ATXN7L1: variants seen among roughly 807,000 people sequenced by gnomAD.
The protein encoded by ATXN7L1 is ataxin-7-like protein 1.
Under a neutral mutation model 70.8 loss-of-function variants are expected in ATXN7L1, and 15 were observed. That is an observed-to-expected ratio of 0.21 (90% CI 0.14 to 0.33). The LOEUF (loss-of-function observed/expected upper bound fraction) is 0.33, where lower values mean the gene tolerates loss of function less well. Among genes scored for constraint, ATXN7L1 ranks in the 10% least tolerant of loss-of-function variants. The pLI, the probability that ATXN7L1 is intolerant of heterozygous loss-of-function variation, is 1.00. For missense variants in ATXN7L1, 975 were observed against 1,097.1 expected (o/e 0.89, Z 1.57); for synonymous variants, 440 against 445.1 (o/e 0.99, Z 0.14).
chr7:105,759,449 AGT>A (rs34887279), intron 3 of ATXN7L1, among the ~76,000 whole-genome samples: 2,622 of 60,368 alleles, frequency 0.043, 29 homozygotes, highest in Non-Finnish European at 0.056. Context: ...TTGGATAGTG[AGT>A]GTGTGTGTGT....
intron 2 of ATXN7L1, among the ~76,000 whole-genome samples, chr7:105,830,003 T>C (rs1811381470): frequency 6.6e-6 from 1 of 152,220 alleles, no homozygotes; most frequent in Non-Finnish European, 1.5e-5. Flanking sequence ...AGCCTCCTTG[T>C]CACTGGGGAC....
At chr7:105,654,804 A>G (rs966387157) in intron 4 of ATXN7L1, among the ~76,000 whole-genome samples, 1 of 151,450 alleles carries the variant, frequency 6.6e-6, no homozygotes, top group Non-Finnish European at 1.5e-5. Context: ...GCAGTGGCAC[A>G]ATCTCAGCTC....
chr7:105,726,452 G>A (rs369294148), intron 3 of ATXN7L1, among the ~76,000 whole-genome samples: 3 of 152,200 alleles, frequency 2.0e-5, no homozygotes, highest in South Asian at 2.1e-4. Flanking sequence ...GCTGAGCAGA[G>A]AGTCTGAGGT....
At chr7:105,754,144 C>T (rs1799520092) in intron 3 of ATXN7L1, among the ~76,000 whole-genome samples, 1 of 152,186 alleles carries the variant, frequency 6.6e-6, no homozygotes, top group Non-Finnish European at 1.5e-5. Context: ...GCTCTGACGT[C>T]TCAAGAACTC....
intron 3 of ATXN7L1, among the ~76,000 whole-genome samples, chr7:105,765,562 C>A (rs1801142455): frequency 6.6e-6 from 1 of 152,140 alleles, no homozygotes; most frequent in Non-Finnish European, 1.5e-5. Flanking sequence ...TGTCTCTCAT[C>A]CCCCTTGGGT....
intron 2 of ATXN7L1, among the ~76,000 whole-genome samples, chr7:105,833,461 C>A (rs1271576577): frequency 1.3e-5 from 2 of 152,188 alleles, no homozygotes; most frequent in African/African-American, 4.8e-5. Context: ...TGTACTCACA[C>A]CATTTAGAAC....
chr7:105,660,863 G>A (rs1020177779), intron 4 of ATXN7L1, among the ~76,000 whole-genome samples: 1 of 152,144 alleles, frequency 6.6e-6, no homozygotes, highest in African/African-American at 2.4e-5. Context: ...TTACAGGTGT[G>A]AGCCACCATG....
intron 2 of ATXN7L1, among the ~76,000 whole-genome samples, chr7:105,867,601 T>TTTA (rs547153576): frequency 4.9e-4 from 74 of 152,228 alleles, no homozygotes; most frequent in Non-Finnish European, 8.5e-4. Flanking sequence ...CTTCTCTCTC[T>TTTA]TTAGATCCTC....
intron 3 of ATXN7L1, among the ~76,000 whole-genome samples, chr7:105,753,945 G>C (rs1311159041): frequency 6.6e-6 from 1 of 152,000 alleles, no homozygotes; most frequent in South Asian, 2.1e-4. Flanking sequence ...AGGATCCAAA[G>C]TTCTGAGATC....
At chr7:105,639,160 CGCCGCTGCCGCT>C (rs965378321) in intron 6 of ATXN7L1, among the ~76,000 whole-genome samples, 3 of 152,168 alleles carry the variant, frequency 2.0e-5, no homozygotes, top group Non-Finnish European at 4.4e-5. Flanking sequence ...CCGCCGCCGC[CGCCGCTGCCGCT>C]GCTCCTGCAT....
intron 3 of ATXN7L1, among the ~76,000 whole-genome samples, chr7:105,702,144 G>C (rs970400903): frequency 1.3e-5 from 2 of 152,182 alleles, no homozygotes; most frequent in African/African-American, 2.4e-5. Flanking sequence ...ACTCTTGCTA[G>C]TGCTTTTCTC....
intron 2 of ATXN7L1, among the ~76,000 whole-genome samples, chr7:105,836,120 G>A (rs1435114192): frequency 2.6e-5 from 4 of 152,174 alleles, no homozygotes; most frequent in African/African-American, 9.7e-5. Flanking sequence ...AAGAGAGGCA[G>A]TGCCCCAAAC....
rs1385457358 is a variant in ATXN7L1, at chr7:105,643,035, G to T, written c.665C>A (p.Thr222Asn). 6.4e-7 allele frequency: 1 copy of T among 1,551,584 alleles called. No homozygotes were observed. Among genetic ancestry groups the T allele is most frequent in the Admixed American group, 2.0e-5 (1 of 51,006 alleles). ...GANVKMNSTT[T>N]TAVSASSTSS... ...GGTGGAGGAGGCAGAAACTGCAGTA[G>T]TGGTTGTGGAGTTCATTTTGACATT... The change falls in exon 5 of 12, where the codon ACT becomes AAT. Residue 222 changes from threonine (T) to asparagine (N), a missense_variant. Thr to Asn is a moderately conservative substitution (Grantham distance 65, BLOSUM62 0). This residue lies in a region of ATXN7L1 where 192 missense variants were observed against 215.5 expected (regional missense o/e 0.89). Coordinates refer to ENST00000419735, the MANE Select transcript of ATXN7L1 (RefSeq NM_020725.2).
intron 5 of ATXN7L1, among the ~76,000 whole-genome samples, chr7:105,642,266 A>C (rs970800241): frequency 6.6e-6 from 1 of 152,184 alleles, no homozygotes; most frequent in Non-Finnish European, 1.5e-5. Flanking sequence ...CCCTATCGGC[A>C]CTGCCAGCCC....
At chr7:105,808,802 C>T (rs1807993201) in intron 2 of ATXN7L1, among the ~76,000 whole-genome samples, 1 of 152,156 alleles carries the variant, frequency 6.6e-6, no homozygotes, top group Non-Finnish European at 1.5e-5. Context: ...TGGCACCACC[C>T]ACCATTTTGA....
At chr7:105,712,501 A>C (rs777810200) in intron 3 of ATXN7L1, among the ~76,000 whole-genome samples, 3 of 152,222 alleles carry the variant, frequency 2.0e-5, no homozygotes, top group Non-Finnish European at 2.9e-5. Context: ...ATATACTTTT[A>C]GAAACAACCA....
At chr7:105,769,555 C>T (rs548869756) in intron 3 of ATXN7L1, among the ~76,000 whole-genome samples, 104 of 152,166 alleles carry the variant, frequency 6.8e-4, no homozygotes, top group Middle Eastern at 3.4e-3. Flanking sequence ...GGAATGGGGG[C>T]GAAGACGGGA....
At chr7:105,746,669 G>A (rs145795121) in intron 3 of ATXN7L1, among the ~76,000 whole-genome samples, 1 of 152,232 alleles carries the variant, frequency 6.6e-6, no homozygotes, top group Non-Finnish European at 1.5e-5. Flanking sequence ...TAGACACAGG[G>A]AATCTATGTG....
chr7:105,841,039 C>T (rs753106270), intron 2 of ATXN7L1, among the ~76,000 whole-genome samples: 5 of 152,212 alleles, frequency 3.3e-5, no homozygotes, highest in Middle Eastern at 3.2e-3. Flanking sequence ...CAGATGAGCT[C>T]CAGGTGTTTT....
Sources: allele counts gnomAD v4.1 joint callset (sites outside exome capture counted in the v4.1 genomes callset), GRCh38; gene constraint gnomAD v4.1.1; regional missense constraint gnomAD v4.1.1; transcripts MANE v1.5; gene names NCBI Gene and HGNC (gene_info 2026-07-23, HGNC 2026-07-21).